The following ZNF841 variants were observed in gnomAD, a reference collection of about 807,000 sequenced individuals.
ZNF841 encodes zinc finger protein 841, also known as TCONS_00006091.
A neutral mutation model predicts 13.0 loss-of-function variants in ZNF841; 11 were observed. That is an observed-to-expected ratio of 0.85 (90% CI 0.53 to 1.40). The LOEUF is 1.40. Among genes scored for constraint, ZNF841 ranks in the 40% most tolerant of loss-of-function variants. ZNF841 has a pLI of 0.00. For missense variants in ZNF841, 1,068 were observed against 1,139.5 expected, an observed-to-expected ratio of 0.94 and a Z score of 0.90; for synonymous variants, 369 against 381.6, an observed-to-expected ratio of 0.97 and a Z score of 0.38.
At chr19:52,076,824 T>C (rs930238159) in intron 5 of ZNF841, 134 bp downstream of exon 5, 3 of 1,104,288 alleles carry the variant, frequency 2.7e-6, no homozygotes, top group African/African-American at 3.2e-5. Flanking sequence ...TGCAGCATTA[T>C]GAAGCTTTTT....
At chr19:52,062,292 A>T (rs2087416331), downstream of ZNF841, among the ~76,000 whole-genome samples, 1 of 152,196 alleles carries the variant, frequency 6.6e-6, no homozygotes, top group African/African-American at 2.4e-5. Flanking sequence ...TGAAGCAACA[A>T]GTGACAGAAG....
chr19:52,089,369 A>G (rs1037665113), intron 2 of ZNF841, among the ~76,000 whole-genome samples: 2 of 152,108 alleles, frequency 1.3e-5, no homozygotes, highest in Non-Finnish European at 2.9e-5. Context: ...TGAGCCAGGC[A>G]TGATTGCTCA....
At chr19:52,084,911 G>C in intron 3 of ZNF841, 33 bp from the exon 4 acceptor site, 2 of 1,198,254 alleles carry the variant, frequency 1.7e-6, no homozygotes, top group South Asian at 3.0e-5. Flanking sequence ...TTAATCCTTG[G>C]AAACAACACA....
chr19:52,076,397 T>C, intron 5 of ZNF841: 1 of 475,704 alleles, frequency 2.1e-6, no homozygotes, highest in Non-Finnish European at 3.7e-6. Flanking sequence ...GCATACTGGC[T>C]CAAGCCTGTA....
intron 4 of ZNF841, among the ~76,000 whole-genome samples, chr19:52,077,780 GACTA>G (rs1375880525): frequency 6.6e-6 from 1 of 152,188 alleles, no homozygotes; most frequent in African/African-American, 2.4e-5. Context: ...AAATAAGAGA[GACTA>G]ACTAACTTAT....
chr19:52,088,266 C>T (rs545736343), intron 3 of ZNF841, among the ~76,000 whole-genome samples: 36 of 152,270 alleles, frequency 2.4e-4, no homozygotes, highest in African/African-American at 8.7e-4. Flanking sequence ...TTGCTTCTCA[C>T]TTCAGTTGAC....
At position 52,067,364 on chromosome 19, in the gene ZNF841, C is replaced by T. The variant is rs1391647037; in HGVS notation, c.518G>A (p.Gly173Glu). 5.2e-6 allele frequency: 8 copies of T among 1,549,620 alleles called. No homozygotes were observed. Among genetic ancestry groups the T allele is most frequent in the African/African-American group, 1.4e-5 (1 of 72,892 alleles). Residue 173 changes from glycine (G) to glutamate (E), a missense_variant, in exon 7 of 7, where the codon GGG (glycine) becomes GAG (glutamate). By Grantham distance (98) the Gly-to-Glu change is moderately conservative. Coordinates refer to ENST00000594440, the MANE Select transcript of ZNF841 (RefSeq NM_001136499.2). ...TTCCATATGCTTGTTTTCTACGTCC[C>T]CTTGACTATGTCGAACTCTTTGACC... is the stretch of plus-strand genomic sequence containing the variant. ...LTGQRVRHSQ[G>E]DVENKHMENQ...
At position 52,066,560 on chromosome 19, in the gene ZNF841, T is replaced by C. The variant is rs773440212; in HGVS notation, c.1322A>G (p.Asn441Ser). ...CDVCGKVFYQ[N>S]SQLVRHQIIH... Reference sequence around the variant, plus strand: ...TATCTGGTGCCTTACAAGTTGTGAATTCTGATAAAAGACCTTGCCACATAC... The same window carrying C: ...TATCTGGTGCCTTACAAGTTGTGAACTCTGATAAAAGACCTTGCCACATAC... Residue 441 changes from asparagine (N) to serine (S), a missense_variant, in exon 7 of 7, where the codon AAT (asparagine) becomes AGT (serine). By Grantham distance (46) the Asn-to-Ser change is conservative (BLOSUM62 1). Coordinates refer to ENST00000594440, the MANE Select transcript of ZNF841 (RefSeq NM_001136499.2). The C allele has an allele frequency of 2.5e-5, 41 of 1,613,516 alleles. No homozygotes were observed. The highest frequency in any genetic ancestry group is 1.7e-5 in the Admixed American group (1 of 59,896).
chr19:52,081,809 G>A (rs1041125104), intron 4 of ZNF841, among the ~76,000 whole-genome samples: 2 of 152,112 alleles, frequency 1.3e-5, no homozygotes, highest in East Asian at 1.9e-4. Flanking sequence ...ATCCAAGATC[G>A]TGCCACTGCA....
the ZNF841 span, among the ~76,000 whole-genome samples, chr19:52,059,370 A>AAAATATATATATATAT: frequency 1.4e-5 from 1 of 69,654 alleles, no homozygotes; most frequent in African/African-American, 8.2e-5. Flanking sequence ...AAAAAAAAAA[A>AAAATATATATATATAT]ATATATATAT....
In ZNF841 at chr19:52,075,998, C is replaced by A. The variant is rs1372173585; in HGVS notation, c.271+46G>T. The stretch of plus-strand genomic sequence containing the variant: ...TCTCCCACTTGCAGAGTCTTACGCA[C>A]ACAATTTCATGGTACCGCTTCCATT... On this transcript the variant is annotated intron_variant, in intron 6 of 6. Coordinates refer to ENST00000594440, the MANE Select transcript of ZNF841 (RefSeq NM_001136499.2). 7.1e-6 allele frequency: 11 copies of A among 1,547,350 alleles called. No individual in the cohort carries two copies. In the East Asian group the frequency reaches 2.7e-4, roughly 38 times the overall value.
intron 4 of ZNF841, among the ~76,000 whole-genome samples, chr19:52,078,448 C>G (rs2087978684): frequency 6.6e-6 from 1 of 151,692 alleles, no homozygotes; most frequent in Admixed American, 6.6e-5. Flanking sequence ...TTTTATAATC[C>G]CAGCACTTTG....
chr19:52,090,716 A>AGAAAGAAAGAGAAAGAAG, intron 2 of ZNF841, among the ~76,000 whole-genome samples: 1 of 151,386 alleles, frequency 6.6e-6, no homozygotes, highest in African/African-American at 2.4e-5. Flanking sequence ...AGAGAAAGAA[A>AGAAAGAAAGAGAAAGAAG]GAAAGAAAAA....
intron 6 of ZNF841, among the ~76,000 whole-genome samples, chr19:52,068,352 G>C (rs901430104): frequency 5.3e-5 from 8 of 152,150 alleles, no homozygotes; most frequent in South Asian, 2.1e-4. Flanking sequence ...TGAGAGAAAG[G>C]TAAATATATA....
Position 52,066,697 on chromosome 19 carries a change from A to T in ZNF841, c.1185T>A (p.His395Gln), listed in dbSNP as rs775268502. Residue 395 changes from histidine to glutamine, a missense_variant, in exon 7 of 7, where the codon CAT (histidine) becomes CAA (glutamine). His to Gln is a conservative substitution (Grantham distance 24). Coordinates refer to ENST00000594440, the MANE Select transcript of ZNF841 (RefSeq NM_001136499.2). ...SSSLATHQTV[H>Q]TGDKPYKCNE... ...TACATTTGTAGGGTTTGTCTCCAGT[A>T]TGAACTGTCTGATGAGTTGCAAGAG... 1.2e-6 allele frequency: 2 copies of T among 1,611,858 alleles called. No individual in the cohort carries two copies. The highest frequency in any genetic ancestry group is 1.1e-5 in the South Asian group (1 of 90,886).
chr19:52,061,105 A>AG (rs1351401007), downstream of ZNF841, among the ~76,000 whole-genome samples: 1 of 152,144 alleles, frequency 6.6e-6, no homozygotes, highest in African/African-American at 2.4e-5. Flanking sequence ...GGGGCCCTAA[A>AG]GGGGGGATGC....
At chr19:52,094,376 A>G (rs952788163) in intron 1 of ZNF841, among the ~76,000 whole-genome samples, 1 of 152,050 alleles carries the variant, frequency 6.6e-6, no homozygotes, top group Non-Finnish European at 1.5e-5. Flanking sequence ...CTTCACGGCT[A>G]TGTGTTTCCC....
chr19:52,083,027 C>A (rs1162231881), intron 4 of ZNF841, among the ~76,000 whole-genome samples: 2 of 150,810 alleles, frequency 1.3e-5, no homozygotes, highest in African/African-American at 4.9e-5. Flanking sequence ...TTGCAGTGAG[C>A]TGAGATTGCG....
At position 52,065,496 on chromosome 19, in the gene ZNF841, T is replaced by C; in HGVS notation, c.2386A>G (p.Asn796Asp). 1.2e-6 allele frequency: 2 copies of C among 1,613,968 alleles called. No individual in the cohort carries two copies. Among genetic ancestry groups the C allele is most frequent in the Non-Finnish European group, 1.7e-6 (2 of 1,179,986 alleles). Residue 796 changes from asparagine to aspartate, a missense_variant, in exon 7 of 7, where the codon AAT becomes GAT. Physicochemically the swap from Asn to Asp is conservative, Grantham distance 23 (BLOSUM62 1). Transcript: ENST00000594440. ...ACTCTAAAGGCTTTGCCACACTCAT[T>C]ACATTTGTAAGGTTTCTCTCCAGTA... ...IHTGEKPYKC[N>D]ECGKAFRVRS...
Sources: allele counts gnomAD v4.1 joint callset (sites outside exome capture counted in the v4.1 genomes callset), GRCh38; gene constraint gnomAD v4.1.1; transcripts MANE v1.5; gene names NCBI Gene and HGNC (gene_info 2026-07-23, HGNC 2026-07-21).